Variants in RAB4A observed in about 807,000 individuals in gnomAD.
The protein encoded by RAB4A is RAB4A, member RAS oncogene family.
A neutral mutation model predicts 34.5 loss-of-function variants in RAB4A; 20 were observed. That is an observed-to-expected ratio of 0.58 (90% confidence interval 0.41 to 0.84). The LOEUF (loss-of-function observed/expected upper bound fraction) is 0.84, where lower values mean the gene tolerates loss of function less well. RAB4A is among the 40% of genes least tolerant of loss of function. The pLI is 0.00. For missense variants in RAB4A, 228 were observed against 274.5 expected (o/e 0.83, Z 1.20); for synonymous variants, 102 against 100.0 (o/e 1.02, Z -0.12).
chr1:229,285,434 A>G (rs1656897773), intron 1 of RAB4A, among the ~76,000 whole-genome samples: 1 of 152,228 alleles, frequency 6.6e-6, no homozygotes, highest in Admixed American at 6.5e-5. Flanking sequence ...ATAGTTCTTA[A>G]GAAACGTGAC....
intron 2 of RAB4A, 109 bp downstream of exon 2, chr1:229,286,675 T>G: frequency 1.5e-6 from 1 of 660,242 alleles, no homozygotes; most frequent in Non-Finnish European, 2.5e-6. Flanking sequence ...AGTAATAGTT[T>G]GAAAGTATTT....
chr1:229,285,163 C>G (rs1046802354), intron 1 of RAB4A, among the ~76,000 whole-genome samples: 28 of 152,200 alleles, frequency 1.8e-4, no homozygotes, highest in African/African-American at 6.0e-4. Context: ...TGCCACCATA[C>G]CCGGCTAAGT....
rs147780652 is a variant in RAB4A, at chr1:229,273,215, G to A, written c.31+1845G>A. 6.8e-3 allele frequency among the ~76,000 whole-genome samples: 1,039 copies of A among 152,218 alleles called. 12 individuals are homozygous for A. Among genetic ancestry groups the A allele is most frequent in the African/African-American group, 0.024 (995 of 41,522 alleles). On this transcript the variant is annotated intron_variant, in intron 1 of 7. Transcript: ENST00000366690. ...ATAGAGCTTTTATGTTTCATTTTTC[G>A]TATACGCATGATAACAACTGATAAA...
chr1:229,298,478 T>G (rs1329879152), intron 5 of RAB4A, among the ~76,000 whole-genome samples: 5 of 152,258 alleles, frequency 3.3e-5, no homozygotes, highest in Non-Finnish European at 7.3e-5. Context: ...CAGGCCTTTC[T>G]GCTGAGATGA....
At chr1:229,273,925 GAAGGA>G (rs1198769672) in intron 1 of RAB4A, among the ~76,000 whole-genome samples, 3 of 152,134 alleles carry the variant, frequency 2.0e-5, no homozygotes, top group African/African-American at 2.4e-5. Context: ...CTGAGCTGGT[GAAGGA>G]ATGTTTGCCT....
At chr1:229,295,742 C>T in intron 3 of RAB4A, 106 bp from the exon 4 acceptor site, 1 of 978,552 alleles carries the variant, frequency 1.0e-6, no homozygotes, top group East Asian at 2.4e-5. Context: ...AGTGTCTGTC[C>T]CTGTGTTGTG....
chr1:229,286,787 T>G (rs1427401550), intron 2 of RAB4A, among the ~76,000 whole-genome samples: 3 of 152,246 alleles, frequency 2.0e-5, no homozygotes, highest in African/African-American at 4.8e-5. Flanking sequence ...CTGTACATTT[T>G]GCAGATGCTG....
At chr1:229,296,017 AC>A in intron 4 of RAB4A, 107 bp downstream of exon 4, 1 of 1,177,192 alleles carries the variant, frequency 8.5e-7, no homozygotes, top group Non-Finnish European at 1.2e-6. Flanking sequence ...GTGTCCAGGG[AC>A]GGTGGTGTGG....
At chr1:229,298,893 AAG>A (rs575871060) in intron 5 of RAB4A, 82 bp from the exon 6 acceptor site, 205 of 953,224 alleles carry the variant, frequency 2.2e-4, no homozygotes, top group Non-Finnish European at 2.9e-4. Flanking sequence ...CTGCTTTTCT[AAG>A]AGAATGCTAC....
At position 229,271,344 on chromosome 1, in the gene RAB4A, C is replaced by A; in HGVS notation, c.5C>A (p.Ser2Ter). 3 of 1,298,790 alleles carry A rather than the reference C, an allele frequency of 2.3e-6. No individual in the cohort carries two copies. The South Asian group carries it at 6.9e-5, about 30-fold the overall frequency. The allele number at this position is 1,298,790 out of a possible 1,614,324, so 80.5% of individuals were successfully genotyped here. A position where few individuals can be genotyped will look rare whatever the true frequency, so the allele number is the denominator to read the frequency against. ...AGAGGCGGCGCCGCTCCCAAGATGT[C>A]GCAGACGGCCATGTCCGAAACCTAC... is the stretch of plus-strand genomic sequence containing the variant. M[S>*]QTAMSETYDF... is the part of the protein sequence containing the mutation. The change falls in exon 1 of 8, where the codon TCG becomes TAG. Residue 2 changes from serine to a stop codon, truncating the protein, a stop_gained. Transcript: ENST00000366690. LOFTEE classifies it high-confidence loss of function.
At chr1:229,297,040 C>T (rs1158672935) in intron 4 of RAB4A, among the ~76,000 whole-genome samples, 2 of 152,180 alleles carry the variant, frequency 1.3e-5, no homozygotes, top group Non-Finnish European at 2.9e-5. Context: ...GGAATAATGG[C>T]AGTCTGTGTC....
rs1486547004 is a variant in RAB4A, at chr1:229,302,289, ATATATATATATATATATATATTTT to A, written c.542-571_542-548del. On this transcript the variant is annotated intron_variant, in intron 6 of 7. Transcript: ENST00000366690. ...TATATATATATATATATATATATAT[ATATATATATATATATATATATTTT>A]TTTTTTTTTTTTACATGTGCATGAG... Among the ~76,000 whole-genome samples, 34 of 21,886 alleles carry A rather than the reference ATATATATATATATATATATATTTT, an allele frequency of 1.6e-3. 1 individual carries two copies. The highest frequency in any genetic ancestry group is 5.4e-3 in the South Asian group (5 of 926). The allele number at this position is 21,886 out of a possible 152,430, so 14.4% of individuals were successfully genotyped here. A position where few individuals can be genotyped will look rare whatever the true frequency, so the allele number is the denominator to read the frequency against.
intron 1 of RAB4A, among the ~76,000 whole-genome samples, chr1:229,280,453 C>T (rs1278824863): frequency 6.6e-6 from 1 of 152,230 alleles, no homozygotes; most frequent in Non-Finnish European, 1.5e-5. Context: ...ATCTGCTGCT[C>T]CTTCCTTGTG....
chr1:229,278,721 T>G (rs1403395431), intron 1 of RAB4A, among the ~76,000 whole-genome samples: 1 of 152,218 alleles, frequency 6.6e-6, no homozygotes, highest in African/African-American at 2.4e-5. Context: ...TAACCACCTC[T>G]GTCTCTCCTT....
At chr1:229,272,105 A>G (rs1373708443) in intron 1 of RAB4A, among the ~76,000 whole-genome samples, 2 of 150,270 alleles carry the variant, frequency 1.3e-5, no homozygotes, top group East Asian at 1.9e-4. Context: ...TTCCCAGTGC[A>G]TATGCTGTGT....
At chr1:229,302,309 ATT>A (rs869095524) in intron 6 of RAB4A, among the ~76,000 whole-genome samples, 967 of 35,614 alleles carry the variant, frequency 0.027, 67 homozygotes, top group East Asian at 0.081. Context: ...ATATATATAT[ATT>A]TTTTTTTTTT....
chr1:229,302,292 TATATATATATATATATA>T (rs1558242373), intron 6 of RAB4A, among the ~76,000 whole-genome samples: 47 of 24,974 alleles, frequency 1.9e-3, no homozygotes, highest in East Asian at 6.7e-3. Context: ...TATATATATA[TATATATATATATATATA>T]TTTTTTTTTT....
At chr1:229,283,698 C>T (rs570365488) in intron 1 of RAB4A, among the ~76,000 whole-genome samples, 5 of 151,700 alleles carry the variant, frequency 3.3e-5, no homozygotes, top group Non-Finnish European at 7.4e-5. Flanking sequence ...CTCTGGTACA[C>T]TGGCCTTCTT....
intron 1 of RAB4A, among the ~76,000 whole-genome samples, chr1:229,281,816 T>TTATATATATATATATATATATATA (rs61184911): frequency 7.1e-6 from 1 of 140,400 alleles, no homozygotes; most frequent in African/African-American, 2.6e-5. Flanking sequence ...CTTATCATAG[T>TTATATATATATATATATATATATA]TATATATATA....
Sources: allele counts gnomAD v4.1 joint callset (sites outside exome capture counted in the v4.1 genomes callset), GRCh38; gene constraint gnomAD v4.1.1; transcripts MANE v1.5; gene names NCBI Gene and HGNC (gene_info 2026-07-23, HGNC 2026-07-21).